The following AKAP6 variants were observed in gnomAD, a reference collection of about 807,000 sequenced individuals.
The protein encoded by AKAP6 is A-kinase anchor protein 6.
A neutral mutation model predicts 188.5 loss-of-function variants in AKAP6; 58 were observed. The observed-to-expected ratio is 0.31, with a 90% CI of 0.25 to 0.38. The LOEUF is 0.38. Ranked by LOEUF, AKAP6 falls within the 10% of genes least tolerant of loss-of-function variation. The pLI, the probability that AKAP6 is intolerant of heterozygous loss-of-function variation, is 1.00. For missense variants in AKAP6, 2,710 were observed against 2,740.0 expected (o/e 0.99, Z 0.24); for synonymous variants, 989 against 998.6 (o/e 0.99, Z 0.18).
intron 12 of AKAP6, among the ~76,000 whole-genome samples, chr14:32,809,175 A>C (rs2034160979): frequency 6.6e-6 from 1 of 152,234 alleles, no homozygotes; most frequent in South Asian, 2.1e-4. Context: ...TCTTAGAAAG[A>C]AAGTAGGTGA....
chr14:32,728,200 A>ATTTTT (rs3033287), intron 9 of AKAP6, among the ~76,000 whole-genome samples: 1 of 71,064 alleles, frequency 1.4e-5, no homozygotes, highest in African/African-American at 5.3e-5. Flanking sequence ...ACATCCCTGG[A>ATTTTT]TTTTTTTTTT....
chr14:32,612,761 A>G lies in AKAP6; in HGVS notation c.2730+11969A>G, dbSNP rs137907650. 2.4e-3 allele frequency among the ~76,000 whole-genome samples: 372 copies of G among 152,298 alleles called. 1 individual carries two copies. Among genetic ancestry groups the G allele is most frequent in the African/African-American group, 8.5e-3 (354 of 41,562 alleles). On this transcript the variant is annotated intron_variant, in intron 7 of 13. Coordinates refer to ENST00000280979, the MANE Select transcript of AKAP6 (RefSeq NM_004274.5). ...AACCTTTGTTTAAACAGCCTTGCTG[A>G]AAGGATATACTCTGAGTTGCTTCTT...
intron 7 of AKAP6, among the ~76,000 whole-genome samples, chr14:32,627,259 G>A (rs17099373): frequency 5.9e-5 from 9 of 151,982 alleles, no homozygotes; most frequent in East Asian, 1.9e-4. Context: ...AATAATCAGC[G>A]TGAAAATCAG....
intron 11 of AKAP6, among the ~76,000 whole-genome samples, chr14:32,757,865 C>T (rs531682105): frequency 9.2e-5 from 14 of 151,992 alleles, no homozygotes; most frequent in Non-Finnish European, 1.3e-4. Context: ...TGAGGAAATT[C>T]CTGGAATAAG....
At chr14:32,486,995 A>T (rs1165204739) in intron 2 of AKAP6, among the ~76,000 whole-genome samples, 1 of 152,180 alleles carries the variant, frequency 6.6e-6, no homozygotes, top group Non-Finnish European at 1.5e-5. Flanking sequence ...TGCTCCATCA[A>T]TACCTAGTTT....
At chr14:32,812,398 C>A (rs1013023196) in intron 12 of AKAP6, among the ~76,000 whole-genome samples, 3 of 151,604 alleles carry the variant, frequency 2.0e-5, no homozygotes, top group African/African-American at 7.3e-5. Flanking sequence ...TTAAAAAATT[C>A]ATTTTAAACA....
At chr14:32,454,367 G>A (rs1317635249) in intron 2 of AKAP6, among the ~76,000 whole-genome samples, 3 of 152,200 alleles carry the variant, frequency 2.0e-5, no homozygotes, top group African/African-American at 7.2e-5. Flanking sequence ...CCTTCAGCGA[G>A]TCATGTGCTA....
intron 8 of AKAP6, among the ~76,000 whole-genome samples, chr14:32,679,756 A>C (rs1199226473): frequency 6.6e-6 from 1 of 152,194 alleles, no homozygotes; most frequent in Non-Finnish European, 1.5e-5. Context: ...CTATTTCTAT[A>C]ACTTGTTGCT....
chr14:32,417,181 A>C (rs1202072370), intron 1 of AKAP6, among the ~76,000 whole-genome samples: 1 of 152,196 alleles, frequency 6.6e-6, no homozygotes, highest in Non-Finnish European at 1.5e-5. Context: ...TCACAGTCTG[A>C]ATCCAAGATG....
intron 1 of AKAP6, among the ~76,000 whole-genome samples, chr14:32,337,283 G>T (rs1314458785): frequency 1.3e-5 from 2 of 152,140 alleles, no homozygotes; most frequent in African/African-American, 4.8e-5. Context: ...ATAAGGGGGT[G>T]GTGATGAGAA....
At chr14:32,655,993 T>G (rs1888437448) in intron 7 of AKAP6, among the ~76,000 whole-genome samples, 1 of 152,126 alleles carries the variant, frequency 6.6e-6, no homozygotes, top group Non-Finnish European at 1.5e-5. Context: ...AAGATAAATA[T>G]CTCTCGTCTA....
intron 11 of AKAP6, among the ~76,000 whole-genome samples, chr14:32,763,787 T>G (rs983786307): frequency 3.3e-5 from 5 of 152,196 alleles, no homozygotes; most frequent in African/African-American, 1.2e-4. Flanking sequence ...GCAACTGAGC[T>G]GAATCTCTAT....
chr14:32,583,847 G>T (rs567452820), intron 5 of AKAP6, among the ~76,000 whole-genome samples: 1 of 152,218 alleles, frequency 6.6e-6, no homozygotes, highest in Non-Finnish European at 1.5e-5. Context: ...TTATTAGGGT[G>T]GGAGTGACCT....
chr14:32,544,785 T>C (rs1883115720), intron 3 of AKAP6, among the ~76,000 whole-genome samples: 1 of 152,212 alleles, frequency 6.6e-6, no homozygotes, highest in African/African-American at 2.4e-5. Context: ...TTATTGAGCA[T>C]CTACCATGAG....
At chr14:32,413,609 C>T (rs1889564187) in intron 1 of AKAP6, among the ~76,000 whole-genome samples, 1 of 152,116 alleles carries the variant, frequency 6.6e-6, no homozygotes, top group Non-Finnish European at 1.5e-5. Flanking sequence ...AATAAAGTGC[C>T]CTGCCATTGT....
At chr14:32,581,728 G>A (rs1375589334) in intron 5 of AKAP6, among the ~76,000 whole-genome samples, 1 of 152,124 alleles carries the variant, frequency 6.6e-6, no homozygotes, top group Admixed American at 6.5e-5. Context: ...TTGTTGAACT[G>A]GTCCCTTTAC....
rs771079091 is a variant in AKAP6, at chr14:32,546,923, A to C, written c.2270A>C (p.Lys757Thr). 9 of 1,612,914 alleles carry C rather than the reference A, an allele frequency of 5.6e-6. No individual in the cohort carries two copies. The highest frequency in any genetic ancestry group is 6.8e-6 in the Non-Finnish European group (8 of 1,179,996). ...SEKNESHSAT[K>T]SALIQKLMQD... ...AAAAATGAGAGCCATTCTGCCACTA[A>C]ATCAGCTTTAATTCAGAAACTGATG... is the stretch of plus-strand genomic sequence containing the variant. The change falls in exon 4 of 14, where the codon AAA (lysine) becomes ACA (threonine). Residue 757 changes from lysine (K) to threonine (T), a missense_variant. Lys to Thr is a moderately conservative substitution (Grantham distance 78). Transcript: ENST00000280979.
chr14:32,811,241 G>GAAAAAAAAAAAAAAAAAAA (rs529886144), intron 12 of AKAP6, among the ~76,000 whole-genome samples: 552 of 55,068 alleles, frequency 0.01, 10 homozygotes, highest in South Asian at 0.037. Flanking sequence ...TCCGTCTCAG[G>GAAAAAAAAAAAAAAAAAAA]AAAAAAAAAA....
At chr14:32,438,522 A>G (rs1029276172) in intron 2 of AKAP6, among the ~76,000 whole-genome samples, 26 of 152,240 alleles carry the variant, frequency 1.7e-4, no homozygotes, top group Admixed American at 2.6e-4. Context: ...AACTACAGAC[A>G]ACTGTTATAA....
Sources: gnomAD v4.1 joint callset for allele counts (sites outside exome capture counted in the v4.1 genomes callset) on GRCh38, gnomAD v4.1.1 for gene constraint, MANE v1.5 for transcripts, NCBI Gene and HGNC (gene_info 2026-07-23, HGNC 2026-07-21) for gene names.